CACNA2D2: variants seen among roughly 807,000 people sequenced by gnomAD.
The protein encoded by CACNA2D2 is voltage-dependent calcium channel subunit alpha-2/delta-2.
Under a neutral mutation model 166.4 loss-of-function variants are expected in CACNA2D2, and 48 were observed. The observed-to-expected ratio is 0.29, with a 90% CI of 0.23 to 0.37. CACNA2D2 has a LOEUF of 0.37. CACNA2D2 is among the 10% of genes least tolerant of loss of function. CACNA2D2 has a pLI of 1.00. For missense variants in CACNA2D2, 1,122 were observed against 1,433.0 expected (o/e 0.78, Z 3.50); for synonymous variants, 561 against 573.7 (o/e 0.98, Z 0.32).
At position 50,379,955 on chromosome 3, in the gene CACNA2D2, A is replaced by G. The variant is rs749418006; in HGVS notation, c.893+13T>C. The G allele has an allele frequency of 1.9e-6, 3 of 1,613,940 alleles. No individual in the cohort carries two copies. Among genetic ancestry groups the G allele is most frequent in the South Asian group, 1.1e-5 (1 of 91,068 alleles). ...CCCTGCCCCAGCCCCACTTGCCAGC[A>G]CTGCTCACTCACACATCCACGATGA... On this transcript the variant is annotated intron_variant, in intron 9 of 37. Transcript: ENST00000424201. The surrounding 1 kb of genome is among the most constrained non-coding windows in gnomAD (Gnocchi z 6.5).
intron 3 of CACNA2D2, among the ~76,000 whole-genome samples, chr3:50,422,755 G>T (rs1256334905): frequency 6.6e-6 from 1 of 152,236 alleles, no homozygotes; most frequent in Non-Finnish European, 1.5e-5. Flanking sequence ...CAGTGCTGTA[G>T]CTGCAATCTC....
At chr3:50,455,916 T>C (rs1709341015) in intron 2 of CACNA2D2, among the ~76,000 whole-genome samples, 2 of 152,176 alleles carry the variant, frequency 1.3e-5, no homozygotes, top group East Asian at 1.9e-4. Context: ...CTCCTCGTTC[T>C]GCCCCCATCC....
chr3:50,465,282 G>A (rs1398982760), intron 2 of CACNA2D2, among the ~76,000 whole-genome samples: 1 of 152,206 alleles, frequency 6.6e-6, no homozygotes, highest in African/African-American at 2.4e-5. Context: ...AGTTTTCCCT[G>A]GTGTGAAAGT....
intron 3 of CACNA2D2, among the ~76,000 whole-genome samples, chr3:50,413,196 T>G: frequency 6.8e-6 from 1 of 147,054 alleles, no homozygotes. Context: ...TGGTGGAGCA[T>G]GAGGAGGGGG....
chr3:50,473,504 G>A (rs1710185198), intron 2 of CACNA2D2, among the ~76,000 whole-genome samples: 2 of 152,344 alleles, frequency 1.3e-5, no homozygotes, highest in South Asian at 4.1e-4. Context: ...GGCTGAGGAG[G>A]GGCAGCCCCA....
chr3:50,464,688 G>A (rs775705346), intron 2 of CACNA2D2, among the ~76,000 whole-genome samples: 2 of 152,226 alleles, frequency 1.3e-5, no homozygotes, highest in Admixed American at 6.5e-5. Context: ...TTTGCCCCTA[G>A]AAGGCTCCAG....
intron 3 of CACNA2D2, among the ~76,000 whole-genome samples, chr3:50,419,413 C>T (rs1320834243): frequency 6.6e-6 from 1 of 152,148 alleles, no homozygotes; most frequent in East Asian, 1.9e-4. Context: ...GACCTGACAC[C>T]ATGGTTGGAG....
chr3:50,366,696 C>T lies in CACNA2D2; in HGVS notation c.2590-71G>A, dbSNP rs587702416. The T allele has an allele frequency of 2.6e-4, 416 of 1,594,688 alleles. 1 individual carries two copies. Among genetic ancestry groups the T allele is most frequent in the South Asian group, 1.8e-3 (164 of 90,454 alleles). Reference sequence around the variant, plus strand: ...TCCCTCCCATCACCTTTCATACATCCGGTTCCCCAGGCCATCTGCAGCTGG... The same window carrying T: ...TCCCTCCCATCACCTTTCATACATCTGGTTCCCCAGGCCATCTGCAGCTGG... On this transcript the variant is annotated intron_variant, in intron 29 of 37. Transcript: ENST00000424201. The surrounding 1 kb of genome is among the most constrained non-coding windows in gnomAD (Gnocchi z 5.9).
At position 50,366,765 on chromosome 3, in the gene CACNA2D2, G is replaced by C. The variant is rs1042271899; in HGVS notation, c.2589+66C>G. 1 of 1,566,376 alleles carries C rather than the reference G, an allele frequency of 6.4e-7. No individual in the cohort carries two copies. The highest frequency in any genetic ancestry group is 1.1e-5 in the South Asian group (1 of 88,992). On this transcript the variant is annotated intron_variant, in intron 29 of 37. Transcript: ENST00000424201. This position sits in a 1 kb window ranked among gnomAD's most constrained non-coding sequence, Gnocchi z 5.9. ...GTTGGAGCCACTGAGTGGAGGGTTG[G>C]TGGGGGTTCCAGGGGACTCCAGGAA...
At chr3:50,371,590 T>C (rs899519270) in intron 22 of CACNA2D2, among the ~76,000 whole-genome samples, 2 of 152,134 alleles carry the variant, frequency 1.3e-5, no homozygotes, top group Non-Finnish European at 2.9e-5. Context: ...TTTAATTGTA[T>C]AGAAGACAGA....
chr3:50,498,901 C>A (rs979172845), intron 1 of CACNA2D2, among the ~76,000 whole-genome samples: 4 of 152,226 alleles, frequency 2.6e-5, no homozygotes. Flanking sequence ...TGCCCTGCCT[C>A]TCATGGTTGT....
In CACNA2D2 at chr3:50,363,433, T is replaced by A. The variant is rs934604219; in HGVS notation, c.*1233A>T. ...ATGCCTTTGGGGGAAATGACCAGAA[T>A]GAATGGTGTGAAGAGCTGTGCCCAG... On this transcript the variant is annotated 3_prime_UTR_variant, in exon 38 of 38. Coordinates refer to ENST00000424201, the MANE Select transcript of CACNA2D2 (RefSeq NM_006030.4). 2 of 395,846 alleles carry A rather than the reference T, an allele frequency of 5.1e-6. No homozygotes were observed. Among genetic ancestry groups the A allele is most frequent in the Non-Finnish European group, 8.9e-6 (2 of 224,882 alleles). 24.5% of individuals were successfully genotyped at this position (395,846 alleles called of 1,614,324 possible). A position where few individuals can be genotyped will look rare whatever the true frequency, so the allele number is the denominator to read the frequency against.
intron 3 of CACNA2D2, among the ~76,000 whole-genome samples, chr3:50,395,192 C>T (rs1706088790): frequency 6.6e-6 from 1 of 152,164 alleles, no homozygotes; most frequent in Admixed American, 6.5e-5. Context: ...CACACTGAAC[C>T]CTCCCCTGGC....
intron 2 of CACNA2D2, among the ~76,000 whole-genome samples, chr3:50,434,786 G>A (rs976389370): frequency 6.6e-6 from 1 of 152,256 alleles, no homozygotes; most frequent in Admixed American, 6.5e-5. Context: ...GAGGGGAAGA[G>A]TGGGCTGGAG....
chr3:50,368,258 AG>A (rs751629041), intron 23 of CACNA2D2, 23 bp from the exon 24 acceptor site: 85 of 1,484,872 alleles, frequency 5.7e-5, no homozygotes, highest in Non-Finnish European at 7.8e-5. Flanking sequence ...AGGGGCAAGA[AG>A]AGTGGGCTTG....
intron 2 of CACNA2D2, among the ~76,000 whole-genome samples, chr3:50,450,425 C>A (rs906511270): frequency 6.6e-6 from 1 of 151,542 alleles, no homozygotes; most frequent in African/African-American, 2.4e-5. Context: ...CAGAACTGCT[C>A]GGACGTGAAA....
chr3:50,474,760 T>C (rs927779608), intron 2 of CACNA2D2, among the ~76,000 whole-genome samples: 1 of 152,200 alleles, frequency 6.6e-6, no homozygotes, highest in Non-Finnish European at 1.5e-5. Context: ...TCCTTGGCAG[T>C]GGCTACTTGG....
At chr3:50,368,858 G>A (rs1704497228) in intron 23 of CACNA2D2, among the ~76,000 whole-genome samples, 1 of 152,224 alleles carries the variant, frequency 6.6e-6, no homozygotes, top group Non-Finnish European at 1.5e-5. Flanking sequence ...GGGGCTGTGG[G>A]GCGTGAGGGG....
intron 4 of CACNA2D2, among the ~76,000 whole-genome samples, chr3:50,388,309 G>C (rs988976635): frequency 6.6e-6 from 1 of 152,206 alleles, no homozygotes; most frequent in Admixed American, 6.5e-5. Context: ...AGAACCGAGC[G>C]CGGCTGACAG....
Sources: allele counts gnomAD v4.1 joint callset (sites outside exome capture counted in the v4.1 genomes callset), GRCh38; gene constraint gnomAD v4.1.1; non-coding constraint Gnocchi (gnomAD v3.1); transcripts MANE v1.5; gene names NCBI Gene and HGNC (gene_info 2026-07-23, HGNC 2026-07-21).